The following FOXP2 variants were observed in gnomAD, a reference collection of about 807,000 sequenced individuals.
The protein encoded by FOXP2 is forkhead box P2.
Under a neutral mutation model 115.8 loss-of-function variants are expected in FOXP2, and 12 were observed. The observed-to-expected ratio is 0.10, with a 90% CI of 0.07 to 0.17. FOXP2 has a LOEUF of 0.17. FOXP2 is among the 10% of genes least tolerant of loss of function. The pLI is 1.00. For missense variants in FOXP2, 629 were observed against 843.5 expected, an observed-to-expected ratio of 0.75 and a Z score of 3.15; for synonymous variants, 328 against 297.7, an observed-to-expected ratio of 1.10 and a Z score of -1.05.
Position 114,415,122 on chromosome 7 carries a change from C to G in FOXP2, c.-249C>G. 1 of 454,264 alleles carries G rather than the reference C, an allele frequency of 2.2e-6. No homozygotes were observed. Among genetic ancestry groups the G allele is most frequent in the Non-Finnish European group, 4.4e-6 (1 of 226,684 alleles). 28.1% of individuals were successfully genotyped at this position (454,264 alleles called of 1,614,324 possible). A position where few individuals can be genotyped will look rare whatever the true frequency, so the allele number is the denominator to read the frequency against. On this transcript the variant is annotated 5_prime_UTR_variant, in exon 1 of 17. Coordinates refer to ENST00000350908, the MANE Select transcript of FOXP2 (RefSeq NM_014491.4). ...AGAGCTGCTTGATTTGTTTTAATTA[C>G]CAGCACAAAATGCCATCAGTCTGGG...
In FOXP2 at chr7:114,641,735, G is replaced by A. The variant is rs979750969; in HGVS notation, c.776-675G>A. ...AAACAAACCTTAATACTAGCAATAG[G>A]TAAAAACTACTCTTAAAAGTTGAAT... On this transcript the variant is annotated intron_variant, in intron 6 of 16. Transcript: ENST00000350908. 7.9e-5 allele frequency among the ~76,000 whole-genome samples: 12 copies of A among 151,648 alleles called. 1 individual carries two copies. The highest frequency in any genetic ancestry group is 1.9e-4 in the African/African-American group (8 of 41,330).
At chr7:114,296,929 A>C (rs1796753582) in intron 2 of FOXP2, among the ~76,000 whole-genome samples, 1 of 152,214 alleles carries the variant, frequency 6.6e-6, no homozygotes, top group African/African-American at 2.4e-5. Context: ...TCCAAATTTA[A>C]GATAATTTCT....
chr7:114,610,463 T>C (rs1803567775), intron 3 of FOXP2, among the ~76,000 whole-genome samples: 1 of 152,196 alleles, frequency 6.6e-6, no homozygotes, highest in East Asian at 1.9e-4. Context: ...GAATCGTAAG[T>C]GAATTTTAAA....
chr7:114,297,390 T>A (rs1372266441), intron 2 of FOXP2: 3 of 722,034 alleles, frequency 4.2e-6, no homozygotes, highest in African/African-American at 1.8e-5. Context: ...CTTGTGGCCC[T>A]TGTTGAGGCC....
At chr7:114,308,763 G>A (rs901428187) in intron 2 of FOXP2, among the ~76,000 whole-genome samples, 2 of 152,144 alleles carry the variant, frequency 1.3e-5, no homozygotes, top group Non-Finnish European at 2.9e-5. Context: ...CCATCTGTAG[G>A]TGGTCCGTAA....
At chr7:114,667,653 T>C (rs1233674675) in intron 16 of FOXP2, 1 of 152,120 alleles carries the variant, frequency 6.6e-6, no homozygotes, top group Non-Finnish European at 1.5e-5. Context: ...ATACAGAATT[T>C]AGAATATAGG....
chr7:114,099,897 T>A (rs1380646949), intron 1 of FOXP2, among the ~76,000 whole-genome samples: 1 of 152,212 alleles, frequency 6.6e-6, no homozygotes, highest in Non-Finnish European at 1.5e-5. Context: ...TTCATTTAAC[T>A]GAAGATTTTA....
chr7:114,368,501 G>C (rs899142180), intron 2 of FOXP2, among the ~76,000 whole-genome samples: 5 of 152,140 alleles, frequency 3.3e-5, no homozygotes, highest in African/African-American at 1.2e-4. Flanking sequence ...TGGAGGCTGC[G>C]TTGATCATAG....
At chr7:114,573,141 A>G (rs1801404189) in intron 3 of FOXP2, among the ~76,000 whole-genome samples, 2 of 151,758 alleles carry the variant, frequency 1.3e-5, no homozygotes, top group South Asian at 4.1e-4. Flanking sequence ...TAGTGTGCCA[A>G]TTTCATACTT....
intron 1 of FOXP2, among the ~76,000 whole-genome samples, chr7:114,223,863 A>T (rs999628778): frequency 1.6e-4 from 25 of 151,832 alleles, no homozygotes; most frequent in African/African-American, 5.3e-4. Flanking sequence ...TATCAAAAAA[A>T]TTTTTTTATG....
chr7:114,449,296 TA>T (rs1562933173), intron 2 of FOXP2, among the ~76,000 whole-genome samples: 1 of 152,100 alleles, frequency 6.6e-6, no homozygotes, highest in African/African-American at 2.4e-5. Flanking sequence ...TATTGTTTTA[TA>T]AAAAAACTAA....
intron 2 of FOXP2, among the ~76,000 whole-genome samples, chr7:114,291,869 T>C (rs1275153626): frequency 1.6e-5 from 2 of 123,808 alleles, no homozygotes; most frequent in Non-Finnish European, 1.7e-5. Context: ...ATATATAATA[T>C]ATAGATAATA....
chr7:114,405,313 A>G (rs961536720), intron 2 of FOXP2, among the ~76,000 whole-genome samples: 13 of 151,932 alleles, frequency 8.6e-5, no homozygotes, highest in Admixed American at 5.2e-4. Context: ...AAATTCACTT[A>G]AACGATTTCA....
chr7:114,560,710 T>C (rs1185940893), intron 3 of FOXP2, among the ~76,000 whole-genome samples: 2 of 152,228 alleles, frequency 1.3e-5, no homozygotes, highest in African/African-American at 4.8e-5. Context: ...GGCAAGATCA[T>C]GACTTTTAGT....
intron 3 of FOXP2, among the ~76,000 whole-genome samples, chr7:114,586,718 A>G (rs1285664821): frequency 6.6e-6 from 1 of 152,132 alleles, no homozygotes; most frequent in African/African-American, 2.4e-5. Flanking sequence ...TTCACTGGGT[A>G]TATTTCCATC....
At chr7:114,629,519 A>C in intron 4 of FOXP2, 1 of 1,284,466 alleles carries the variant, frequency 7.8e-7, no homozygotes, top group Non-Finnish European at 1.1e-6. Flanking sequence ...GTAGGACTTC[A>C]GATGTAATAA....
intron 1 of FOXP2, among the ~76,000 whole-genome samples, chr7:114,150,868 G>A (rs939254570): frequency 1.3e-5 from 2 of 151,838 alleles, no homozygotes; most frequent in Non-Finnish European, 2.9e-5. Flanking sequence ...ATGACAGCCT[G>A]GAACTGTGGC....
intron 3 of FOXP2, among the ~76,000 whole-genome samples, chr7:114,552,323 C>T (rs998132673): frequency 6.6e-6 from 1 of 152,132 alleles, no homozygotes; most frequent in Non-Finnish European, 1.5e-5. Context: ...GGTTTGACTC[C>T]ACCATTTACT....
At chr7:114,181,659 C>T (rs951222828) in intron 1 of FOXP2, among the ~76,000 whole-genome samples, 8 of 152,038 alleles carry the variant, frequency 5.3e-5, no homozygotes, top group Non-Finnish European at 8.8e-5. Context: ...TGAACTTTCA[C>T]ATGTCCAATT....
Sources: gnomAD v4.1 joint callset for allele counts (sites outside exome capture counted in the v4.1 genomes callset) on GRCh38, gnomAD v4.1.1 for gene constraint, MANE v1.5 for transcripts, NCBI Gene and HGNC (gene_info 2026-07-23, HGNC 2026-07-21) for gene names.